Variants in DLGAP1 observed in about 807,000 individuals in gnomAD.
The protein encoded by DLGAP1 is DLG associated protein 1, also known as disks large-associated protein 1.
DLGAP1 carries 11 observed loss-of-function variants against 90.8 expected under a neutral mutation model. The ratio of observed to expected loss-of-function variants is 0.12; its 90% CI spans 0.08 to 0.20. DLGAP1 has a LOEUF of 0.20. Ranked by LOEUF, DLGAP1 falls within the 10% of genes least tolerant of loss-of-function variation. DLGAP1 has a pLI of 1.00. For synonymous variants in DLGAP1, 558 were observed against 540.7 expected (o/e 1.03, Z -0.44); for missense variants, 1,050 against 1,333.8 (o/e 0.79, Z 3.31).
At chr18:3,556,787 G>T (rs532377715) in intron 9 of DLGAP1, among the ~76,000 whole-genome samples, 76 of 152,256 alleles carry the variant, frequency 5.0e-4, no homozygotes, top group African/African-American at 1.8e-3. Context: ...AAACAAAATT[G>T]CTGACTTGTA....
chr18:3,985,796 A>C (rs1387423911), intron 3 of DLGAP1, among the ~76,000 whole-genome samples: 1 of 152,166 alleles, frequency 6.6e-6, no homozygotes, highest in East Asian at 1.9e-4. Context: ...GCTTAACTAA[A>C]CAGCTGCTTA....
At chr18:4,161,459 T>C (rs2076844143) in intron 1 of DLGAP1, among the ~76,000 whole-genome samples, 1 of 152,200 alleles carries the variant, frequency 6.6e-6, no homozygotes. Flanking sequence ...TTCCATGGTA[T>C]ATATGTACCA....
At chr18:4,414,532 T>C (rs112582637) in intron 1 of DLGAP1, among the ~76,000 whole-genome samples, 3 of 152,226 alleles carry the variant, frequency 2.0e-5, no homozygotes, top group African/African-American at 7.2e-5. Context: ...CAGACCAGCC[T>C]GGCCAACATA....
intron 3 of DLGAP1, among the ~76,000 whole-genome samples, chr18:3,958,693 C>T (rs2073133719): frequency 6.6e-6 from 1 of 150,910 alleles, no homozygotes; most frequent in African/African-American, 2.4e-5. Context: ...AAACAGGATG[C>T]TTCCTGCAGC....
At chr18:4,414,703 G>A (rs1219177576) in intron 1 of DLGAP1, among the ~76,000 whole-genome samples, 1 of 136,674 alleles carries the variant, frequency 7.3e-6, no homozygotes, top group African/African-American at 2.6e-5. Context: ...TCCAGCCTGG[G>A]CAACAGAGCA....
chr18:4,074,466 C>G (rs2075495203), intron 2 of DLGAP1, among the ~76,000 whole-genome samples: 1 of 152,018 alleles, frequency 6.6e-6, no homozygotes, highest in South Asian at 2.1e-4. Context: ...TCTAGATTTT[C>G]TGTAATTTCA....
chr18:3,621,251 T>A (rs1002795934), intron 7 of DLGAP1, among the ~76,000 whole-genome samples: 13 of 151,876 alleles, frequency 8.6e-5, no homozygotes, highest in African/African-American at 2.9e-4. Flanking sequence ...CTATACAAGA[T>A]TTCACCTACA....
chr18:4,407,516 T>C (rs947489519), intron 1 of DLGAP1, among the ~76,000 whole-genome samples: 4 of 152,204 alleles, frequency 2.6e-5, no homozygotes, highest in African/African-American at 9.6e-5. Context: ...GCATTGGCAT[T>C]AGGCTTGGCT....
intron 1 of DLGAP1, among the ~76,000 whole-genome samples, chr18:4,258,368 C>T (rs1175847597): frequency 7.2e-5 from 11 of 152,044 alleles, no homozygotes; most frequent in South Asian, 2.1e-4. Flanking sequence ...TCAACATAGC[C>T]GTCAACACCA....
At chr18:4,298,169 G>A (rs531579516) in intron 1 of DLGAP1, among the ~76,000 whole-genome samples, 2 of 152,186 alleles carry the variant, frequency 1.3e-5, no homozygotes, top group Admixed American at 1.3e-4. Flanking sequence ...CCCGCAGTCC[G>A]CCTTAAGGAA....
chr18:3,577,348 C>T (rs1463940685), intron 8 of DLGAP1, among the ~76,000 whole-genome samples: 1 of 152,176 alleles, frequency 6.6e-6, no homozygotes, highest in East Asian at 1.9e-4. Context: ...TCTTCCCATA[C>T]CTGTGTAACC....
At chr18:3,941,547 G>A (rs1262429946) in intron 3 of DLGAP1, among the ~76,000 whole-genome samples, 1 of 152,190 alleles carries the variant, frequency 6.6e-6, no homozygotes, top group Non-Finnish European at 1.5e-5. Flanking sequence ...GGACAAAGAG[G>A]AAAATTATAA....
rs1170777959 is a variant in DLGAP1, at chr18:3,547,246, A to G, written c.2058-12631T>C. 5.8e-4 allele frequency among the ~76,000 whole-genome samples: 87 copies of G among 148,808 alleles called. 1 individual carries two copies. Among genetic ancestry groups the G allele is most frequent in the Middle Eastern group, 6.9e-3 (2 of 290 alleles). ...AACCCCCGGGGGCGGAGCCTGCAGCAAGCCGAGATCGCGCCACTGCACTCC... is the reference window on the plus strand; with the variant it reads ...AACCCCCGGGGGCGGAGCCTGCAGCGAGCCGAGATCGCGCCACTGCACTCC... On this transcript the variant is annotated intron_variant, in intron 9 of 12. Coordinates refer to ENST00000315677, the MANE Select transcript of DLGAP1 (RefSeq NM_004746.4).
chr18:4,195,068 T>C (rs1465171244), intron 1 of DLGAP1, among the ~76,000 whole-genome samples: 1 of 152,226 alleles, frequency 6.6e-6, no homozygotes, highest in Non-Finnish European at 1.5e-5. Flanking sequence ...CAAATATCAT[T>C]TGAAGAAAAA....
intron 1 of DLGAP1, among the ~76,000 whole-genome samples, chr18:4,319,321 G>A (rs1156320639): frequency 1.3e-5 from 2 of 152,042 alleles, no homozygotes; most frequent in Non-Finnish European, 2.9e-5. Flanking sequence ...GATTTTTAGC[G>A]ATTATATTGT....
chr18:3,833,151 T>C lies in DLGAP1; in HGVS notation c.958-18878A>G, dbSNP rs899085956. ...TAAGATTCCTTCCTTCCTTCCTTCCTTCCTTCCTTCCTTCCTTCCTTCCTT... is the reference window on the plus strand; with the variant it reads ...TAAGATTCCTTCCTTCCTTCCTTCCCTCCTTCCTTCCTTCCTTCCTTCCTT... On this transcript the variant is annotated intron_variant, in intron 4 of 12. Coordinates refer to ENST00000315677, the MANE Select transcript of DLGAP1 (RefSeq NM_004746.4). Among the ~76,000 whole-genome samples, 5 of 776 alleles carry C rather than the reference T, an allele frequency of 6.4e-3. 1 individual carries two copies. The highest frequency in any genetic ancestry group is 0.016 in the Non-Finnish European group (5 of 312). 0.5% of individuals were successfully genotyped at this position (776 alleles called of 152,430 possible).
intron 3 of DLGAP1, among the ~76,000 whole-genome samples, chr18:3,925,013 C>T (rs1051468521): frequency 2.0e-5 from 3 of 152,002 alleles, no homozygotes; most frequent in East Asian, 1.9e-4. Flanking sequence ...AGTGCAGTGG[C>T]GTGATCTTGG....
chr18:3,741,112 C>CCGT (rs1377208486), intron 6 of DLGAP1, among the ~76,000 whole-genome samples: 2 of 128,560 alleles, frequency 1.6e-5, no homozygotes, highest in East Asian at 2.6e-4. Context: ...ATCACCATCA[C>CCGT]CACCACCATC....
chr18:4,155,221 T>C (rs2076736452), intron 1 of DLGAP1, among the ~76,000 whole-genome samples: 1 of 152,040 alleles, frequency 6.6e-6, no homozygotes, highest in Admixed American at 6.6e-5. Flanking sequence ...AATAAAGTCA[T>C]GGGATGGAGT....
Sources: allele counts gnomAD v4.1 joint callset (sites outside exome capture counted in the v4.1 genomes callset), GRCh38; gene constraint gnomAD v4.1.1; transcripts MANE v1.5; gene names NCBI Gene and HGNC (gene_info 2026-07-23, HGNC 2026-07-21).